CACNA1B: variants seen among roughly 807,000 people sequenced by gnomAD.
CACNA1B encodes the protein calcium voltage-gated channel subunit alpha1 B.
CACNA1B carries 70 observed loss-of-function variants against 247.2 expected under a neutral mutation model. The ratio of observed to expected loss-of-function variants is 0.28; its 90% CI spans 0.23 to 0.35. CACNA1B has a LOEUF of 0.35. Ranked by LOEUF, CACNA1B falls within the 10% of genes least tolerant of loss-of-function variation. CACNA1B has a pLI of 1.00. For missense variants in CACNA1B, 2,367 were observed against 3,197.4 expected (o/e 0.74, Z 6.26); for synonymous variants, 1,231 against 1,294.4 (o/e 0.95, Z 1.05).
At chr9:138,017,438 T>G (rs1958807299) in intron 18 of CACNA1B, among the ~76,000 whole-genome samples, 1 of 152,240 alleles carries the variant, frequency 6.6e-6, no homozygotes, top group African/African-American at 2.4e-5. Context: ...TCCTGGTCTC[T>G]GTCTTTTTGT....
Position 138,121,787 on chromosome 9 carries a change from G to C in CACNA1B, c.6808G>C (p.Val2270Leu). The change falls in exon 47 of 47, where the codon GTC becomes CTC. Residue 2270 changes from valine (V) to leucine (L), a missense_variant. Around this residue, in one of 12 missense-constraint regions of CACNA1B, gnomAD observed 773 missense variants for 779.4 expected, o/e 0.99. Transcript: ENST00000371372. The surrounding 1 kb of genome is among the most constrained non-coding windows in gnomAD (Gnocchi z 6.8). ...GCAGCGTCTGGACAGTGAGGCCTCT[G>C]TCCACGCCCTGCCTGAGGACACTCT... ...LGQRLDSEAS[V>L]HALPEDTLTF... 1 of 1,613,268 alleles carries C rather than the reference G, an allele frequency of 6.2e-7. No individual in the cohort carries two copies. The highest frequency in any genetic ancestry group is 8.5e-7 in the Non-Finnish European group (1 of 1,179,848).
rs577149525 is a variant in CACNA1B at position 138,072,404 on chromosome 9, G to T, written c.4675-1084G>T. Among the ~76,000 whole-genome samples the T allele has an allele frequency of 1.4e-4, 22 of 152,374 alleles. No individual in the cohort carries two copies. The highest frequency in any genetic ancestry group is 3.4e-3 in the Middle Eastern group (1 of 294). ...AACGGTAGCCCTGGAGAGTCGGGAT[G>T]CTCTGCCAGGCCCTCACCGCCTCTG... On this transcript the variant is annotated intron_variant, in intron 32 of 46. Coordinates refer to ENST00000371372, the MANE Select transcript of CACNA1B (RefSeq NM_000718.4). This position sits in a 1 kb window ranked among gnomAD's most constrained non-coding sequence, Gnocchi z 4.5.
At chr9:138,000,927 C>T (rs7035895) in intron 15 of CACNA1B, among the ~76,000 whole-genome samples, 42,071 of 151,968 alleles carry the variant, frequency 0.28, 8,050 homozygotes, top group East Asian at 0.64. Flanking sequence ...CTTTTTTTCC[C>T]TTGGTCAGTC....
rs760052081 is a variant in CACNA1B, at chr9:137,973,076, G to A, written c.1543+1484G>A. Among the ~76,000 whole-genome samples the A allele has an allele frequency of 3.9e-5, 6 of 152,226 alleles. No individual in the cohort carries two copies. The highest frequency in any genetic ancestry group is 9.6e-5 in the African/African-American group (4 of 41,458). On this transcript the variant is annotated intron_variant, in intron 11 of 46. Coordinates refer to ENST00000371372, the MANE Select transcript of CACNA1B (RefSeq NM_000718.4). This position sits in a 1 kb window ranked among gnomAD's most constrained non-coding sequence, Gnocchi z 4.1. ...TTCTTCCCCGTGAGAGGCTGTTGGT[G>A]TGCAGTGAGTCGGCAGGCAGTGGGG...
In CACNA1B at chr9:137,881,683, G is replaced by T. The variant is rs1056331731; in HGVS notation, c.391-1061G>T. Among the ~76,000 whole-genome samples, 2 of 152,156 alleles carry T rather than the reference G, an allele frequency of 1.3e-5. No homozygotes were observed. Among genetic ancestry groups the T allele is most frequent in the Non-Finnish European group, 2.9e-5 (2 of 68,030 alleles). On this transcript the variant is annotated intron_variant, in intron 2 of 46. Transcript: ENST00000371372. This position sits in a 1 kb window ranked among gnomAD's most constrained non-coding sequence, Gnocchi z 4.3. ...CTTGCCTTGCACAGGGCCTTTCCCT[G>T]CCAGCCCCACGCGTGTGCTCACGAG...
rs972155921 is a variant in CACNA1B at position 137,919,069 on chromosome 9, A to G, written c.966+1638A>G. On this transcript the variant is annotated intron_variant, in intron 6 of 46. Coordinates refer to ENST00000371372, the MANE Select transcript of CACNA1B (RefSeq NM_000718.4). This position sits in a 1 kb window ranked among gnomAD's most constrained non-coding sequence, Gnocchi z 4.6. ...CAGGTCTCCACAGCCCTCAGTGTCC[A>G]CTGGGGCTTGGCCAGGGGCCGCACA... is the stretch of plus-strand genomic sequence containing the variant. 6.6e-6 allele frequency among the ~76,000 whole-genome samples: 1 copy of G among 152,304 alleles called. No individual in the cohort carries two copies. The highest frequency in any genetic ancestry group is 2.4e-5 in the African/African-American group (1 of 41,578).
At chr9:138,008,777 G>C (rs1453786704) in intron 16 of CACNA1B, among the ~76,000 whole-genome samples, 1 of 152,250 alleles carries the variant, frequency 6.6e-6, no homozygotes, top group Non-Finnish European at 1.5e-5. Flanking sequence ...CCCTACAGAT[G>C]CTGTGGTGCA....
Position 137,957,560 on chromosome 9 carries a change from C to T in CACNA1B, c.1244-38C>T. On this transcript the variant is annotated intron_variant, in intron 9 of 46. Coordinates refer to ENST00000371372, the MANE Select transcript of CACNA1B (RefSeq NM_000718.4). This position sits in a 1 kb window ranked among gnomAD's most constrained non-coding sequence, Gnocchi z 4.7. Reference sequence around the variant, plus strand: ...GCTGAGGCAGGTGGCCTGAGGGCTGCAGCTCAGGCAGTCTCTCCCATCCTT... The same window carrying T: ...GCTGAGGCAGGTGGCCTGAGGGCTGTAGCTCAGGCAGTCTCTCCCATCCTT... 6.8e-7 allele frequency: 1 copy of T among 1,479,824 alleles called. No individual in the cohort carries two copies. Among genetic ancestry groups the T allele is most frequent in the Non-Finnish European group, 9.1e-7 (1 of 1,093,628 alleles). 91.7% of individuals were successfully genotyped at this position (1,479,824 alleles called of 1,614,324 possible). A position where few individuals can be genotyped will look rare whatever the true frequency, so the allele number is the denominator to read the frequency against.
intron 3 of CACNA1B, among the ~76,000 whole-genome samples, chr9:137,887,413 C>T (rs1450908066): frequency 6.6e-6 from 1 of 151,866 alleles, no homozygotes; most frequent in Non-Finnish European, 1.5e-5. Context: ...GTTTGCAGCC[C>T]GTCCATGCCA....
At chr9:137,916,741 G>A (rs1957416390) in intron 5 of CACNA1B, among the ~76,000 whole-genome samples, 1 of 151,944 alleles carries the variant, frequency 6.6e-6, no homozygotes, top group Non-Finnish European at 1.5e-5. Context: ...GTTTGGCTGT[G>A]AGGGAGGTAG....
At chr9:138,114,626 C>T (rs1345557015) in intron 41 of CACNA1B, 136 bp downstream of exon 41, 3 of 609,478 alleles carry the variant, frequency 4.9e-6, no homozygotes, top group East Asian at 5.5e-5. Context: ...AAGATTCTTG[C>T]AGCTACCTCT....
intron 31 of CACNA1B, among the ~76,000 whole-genome samples, chr9:138,060,063 C>T (rs1589103743): frequency 6.6e-6 from 1 of 152,126 alleles, no homozygotes; most frequent in African/African-American, 2.4e-5. Flanking sequence ...AAGGTGGTAT[C>T]AAAAATATAT....
intron 3 of CACNA1B, among the ~76,000 whole-genome samples, chr9:137,886,712 G>A (rs1222782800): frequency 6.6e-5 from 10 of 151,364 alleles, no homozygotes; most frequent in African/African-American, 1.9e-4. Context: ...AGCAGTCGGC[G>A]GGTGGACGGA....
intron 6 of CACNA1B, among the ~76,000 whole-genome samples, chr9:137,939,354 A>G (rs950739174): frequency 4.6e-5 from 7 of 152,226 alleles, no homozygotes; most frequent in Admixed American, 1.3e-4. Context: ...AATTGAAATT[A>G]TATCGGGCAC....
Position 138,058,346 on chromosome 9 carries a change from T to G in CACNA1B, c.4308+96T>G. 2.6e-6 allele frequency: 3 copies of G among 1,166,668 alleles called. No individual in the cohort carries two copies. Among genetic ancestry groups the G allele is most frequent in the South Asian group, 1.3e-5 (1 of 76,950 alleles). 72.3% of individuals were successfully genotyped at this position (1,166,668 alleles called of 1,614,324 possible). ...CAAATCACTCACAGCTGGGTCAGCT[T>G]TGGCTGCCACCGTCTGCCAACACAG... On this transcript the variant is annotated intron_variant, in intron 28 of 46. Transcript: ENST00000371372. The surrounding 1 kb of genome is among the most constrained non-coding windows in gnomAD (Gnocchi z 4.7).
intron 21 of CACNA1B, among the ~76,000 whole-genome samples, chr9:138,046,083 A>G (rs1959183380): frequency 6.6e-6 from 1 of 151,840 alleles, no homozygotes; most frequent in Non-Finnish European, 1.5e-5. Context: ...GTTACTGTGC[A>G]CTCTCACGTT....
In CACNA1B at chr9:138,121,416, G is replaced by T; in HGVS notation, c.6490-53G>T. 1.0e-6 allele frequency: 1 copy of T among 957,112 alleles called. No homozygotes were observed. The highest frequency in any genetic ancestry group is 1.7e-5 in the African/African-American group (1 of 58,066). 59.3% of individuals were successfully genotyped at this position (957,112 alleles called of 1,614,324 possible). A position where few individuals can be genotyped will look rare whatever the true frequency, so the allele number is the denominator to read the frequency against. On this transcript the variant is annotated intron_variant, in intron 46 of 46. Coordinates refer to ENST00000371372, the MANE Select transcript of CACNA1B (RefSeq NM_000718.4). The surrounding 1 kb of genome is among the most constrained non-coding windows in gnomAD (Gnocchi z 6.8). ...GTGATGTGCTCTGTCTGTTGGTTCG[G>T]CTTTTTTTTTTTTTTTTTTACCTCT...
chr9:137,982,860 G>A (rs181227209), intron 12 of CACNA1B, among the ~76,000 whole-genome samples: 1 of 152,318 alleles, frequency 6.6e-6, no homozygotes, highest in East Asian at 1.9e-4. Context: ...GCATATTGGT[G>A]TACCTGGTTG....
At chr9:138,005,781 C>A (rs112906433) in intron 15 of CACNA1B, among the ~76,000 whole-genome samples, 2 of 152,152 alleles carry the variant, frequency 1.3e-5, no homozygotes, top group Non-Finnish European at 1.5e-5. Context: ...TGGCGGCTCA[C>A]GCCTGTAATC....
Sources: allele counts gnomAD v4.1 joint callset (sites outside exome capture counted in the v4.1 genomes callset), GRCh38; gene constraint gnomAD v4.1.1; regional missense constraint gnomAD v4.1.1; non-coding constraint Gnocchi (gnomAD v3.1); transcripts MANE v1.5; gene names NCBI Gene and HGNC (gene_info 2026-07-23, HGNC 2026-07-21).